The following FAM53B variants were observed in gnomAD, a reference collection of about 807,000 sequenced individuals.
The protein encoded by FAM53B is family with sequence similarity 53 member B.
FAM53B carries 12 observed loss-of-function variants against 32.7 expected under a neutral mutation model. The observed-to-expected ratio is 0.37, with a 90% CI of 0.24 to 0.59. The LOEUF (loss-of-function observed/expected upper bound fraction) is 0.59. FAM53B is among the 20% of genes least tolerant of loss of function. The probability of loss-of-function intolerance (pLI) is 0.72; values close to 1 mark genes in which losing one functional copy is unlikely to be tolerated. For synonymous variants in FAM53B, 234 were observed against 228.7 expected (o/e 1.02, Z -0.21); for missense variants, 477 against 577.7 (o/e 0.83, Z 1.79).
Position 124,682,061 on chromosome 10 carries a change from C to T in FAM53B, c.452G>A (p.Ser151Asn). The change falls in exon 4 of 5, where the codon AGC becomes AAC. Residue 151 changes from serine (S) to asparagine (N), a missense_variant. Transcript: ENST00000337318. This position sits in a 1 kb window ranked among gnomAD's most constrained non-coding sequence, Gnocchi z 5.2. ...VEKRRCYSGGSVQRYSNGFST... is the reference protein window; with the variant it reads ...VEKRRCYSGGNVQRYSNGFST... ...GAAGCCGTTGGAATAGCGCTGGACG[C>T]TGCCCCCGCTGTAGCAGCGTCTCTT... 2.5e-6 allele frequency: 4 copies of T among 1,613,752 alleles called. No homozygotes were observed. Among genetic ancestry groups the T allele is most frequent in the Middle Eastern group, 3.3e-4 (2 of 6,062 alleles).
At chr10:124,712,955 C>T (rs1439327749) in intron 1 of FAM53B, among the ~76,000 whole-genome samples, 2 of 152,250 alleles carry the variant, frequency 1.3e-5, no homozygotes, top group African/African-American at 2.4e-5. Flanking sequence ...TGCATCTGCC[C>T]AAGAACGGCC....
At chr10:124,741,644 G>A (rs546785567) in intron 1 of FAM53B, among the ~76,000 whole-genome samples, 1 of 152,290 alleles carries the variant, frequency 6.6e-6, no homozygotes, top group South Asian at 2.1e-4. Flanking sequence ...AGAGGCTAGC[G>A]GGGCAGTGAG....
intron 4 of FAM53B, among the ~76,000 whole-genome samples, chr10:124,674,822 GC>G (rs1418681918): frequency 1.3e-5 from 2 of 152,220 alleles, no homozygotes; most frequent in African/African-American, 4.8e-5. Context: ...GGCAGCGCCT[GC>G]TAGGGCCTCC....
chr10:124,693,457 ACT>A (rs746991019), intron 3 of FAM53B, among the ~76,000 whole-genome samples: 39 of 143,164 alleles, frequency 2.7e-4, no homozygotes, highest in African/African-American at 1.8e-4. Flanking sequence ...CGACAGTGAG[ACT>A]CTGTCTCAAA....
chr10:124,715,837 C>T (rs888986785), intron 1 of FAM53B, among the ~76,000 whole-genome samples: 7 of 152,222 alleles, frequency 4.6e-5, no homozygotes, highest in African/African-American at 1.7e-4. Flanking sequence ...AAGGAGGTAA[C>T]GCCCTGTAGG....
chr10:124,672,971 A>G (rs1432058361), intron 4 of FAM53B, among the ~76,000 whole-genome samples: 1 of 152,240 alleles, frequency 6.6e-6, no homozygotes, highest in Non-Finnish European at 1.5e-5. Flanking sequence ...AGGGACTTAC[A>G]ATGAGCACAC....
rs1042193294 is a variant in FAM53B at position 124,670,185 on chromosome 10, C to T, written c.906+11422G>A. Among the ~76,000 whole-genome samples the T allele has an allele frequency of 5.0e-5, 7 of 138,628 alleles. No individual in the cohort carries two copies. In the East Asian group the frequency reaches 1.5e-3, roughly 30 times the overall value. 90.9% of individuals were successfully genotyped at this position (138,628 alleles called of 152,430 possible). A position where few individuals can be genotyped will look rare whatever the true frequency, so the allele number is the denominator to read the frequency against. ...CACTCATCACCATGAGAGGCACTTG[C>T]AGAGGTGCCTGACTAACTTCCTCTG... On this transcript the variant is annotated intron_variant, in intron 4 of 4. Coordinates refer to ENST00000337318, the MANE Select transcript of FAM53B (RefSeq NM_014661.4).
chr10:124,636,949 G>C (rs1448001363), intron 4 of FAM53B, among the ~76,000 whole-genome samples: 1 of 152,064 alleles, frequency 6.6e-6, no homozygotes, highest in Non-Finnish European at 1.5e-5. Context: ...GATCTGGGGG[G>C]AGCGAGACTT....
chr10:124,722,705 TTG>T (rs1484729296), intron 1 of FAM53B, among the ~76,000 whole-genome samples: 3 of 152,262 alleles, frequency 2.0e-5, no homozygotes, highest in Admixed American at 1.3e-4. Flanking sequence ...ATACACACAT[TTG>T]TGTGTGTATA....
chr10:124,627,498 C>A (rs1949363066), intron 4 of FAM53B, among the ~76,000 whole-genome samples: 1 of 152,226 alleles, frequency 6.6e-6, no homozygotes. Context: ...TGTCCCCCAG[C>A]CCGTCGACTT....
chr10:124,674,793 T>C (rs1445941331), intron 4 of FAM53B, among the ~76,000 whole-genome samples: 5 of 152,208 alleles, frequency 3.3e-5, no homozygotes, highest in African/African-American at 1.2e-4. Flanking sequence ...CTCTGGCCCA[T>C]AGGCTGTGGC....
chr10:124,622,960 A>C lies in FAM53B; in HGVS notation c.*282T>G. Reference sequence around the variant, plus strand: ...ACATCCCACAGGGAAAGAGGCAGAAAAGACGCAAACTTCAAAGCTGTCCTC... The same window carrying C: ...ACATCCCACAGGGAAAGAGGCAGAACAGACGCAAACTTCAAAGCTGTCCTC... On this transcript the variant is annotated 3_prime_UTR_variant, in exon 5 of 5. Transcript: ENST00000337318. The C allele has an allele frequency of 2.5e-6, 1 of 398,764 alleles. No homozygotes were observed. 24.7% of individuals were successfully genotyped at this position (398,764 alleles called of 1,614,324 possible).
Position 124,634,914 on chromosome 10 carries a change from G to T in FAM53B, c.907-11310C>A, listed in dbSNP as rs144187535. ...CCACTAAGTTGTACACCTTAAATGG[G>T]TGAACTGTGTGGTATATGAATTATA... On this transcript the variant is annotated intron_variant, in intron 4 of 4. Transcript: ENST00000337318. 2.0e-5 allele frequency among the ~76,000 whole-genome samples: 3 copies of T among 152,256 alleles called. No individual in the cohort carries two copies. The East Asian group carries it at 5.8e-4, about 29-fold the overall frequency.
intron 4 of FAM53B, among the ~76,000 whole-genome samples, chr10:124,659,419 G>A (rs891880320): frequency 2.0e-5 from 3 of 152,272 alleles, no homozygotes; most frequent in African/African-American, 7.2e-5. Flanking sequence ...GCTAATAGCA[G>A]TGGTGGAAGT....
At chr10:124,627,150 G>A (rs895648602) in intron 4 of FAM53B, among the ~76,000 whole-genome samples, 4 of 152,112 alleles carry the variant, frequency 2.6e-5, no homozygotes, top group East Asian at 1.9e-4. Context: ...AGCTGGTGGC[G>A]AGCCCCACCT....
chr10:124,658,620 G>A (rs559626137), intron 4 of FAM53B, among the ~76,000 whole-genome samples: 9 of 152,312 alleles, frequency 5.9e-5, no homozygotes, highest in African/African-American at 1.7e-4. Flanking sequence ...GCAAACTACC[G>A]TGGGAGAGAG....
At chr10:124,650,504 G>A (rs1418320009) in intron 4 of FAM53B, among the ~76,000 whole-genome samples, 1 of 152,176 alleles carries the variant, frequency 6.6e-6, no homozygotes, top group Admixed American at 6.5e-5. Context: ...GATGTGCTAG[G>A]CGCTCTACAC....
intron 4 of FAM53B, among the ~76,000 whole-genome samples, chr10:124,655,863 A>G (rs889819699): frequency 1.3e-5 from 2 of 152,266 alleles, no homozygotes; most frequent in African/African-American, 4.8e-5. Flanking sequence ...AATATTGTCT[A>G]TCTGTCTACA....
chr10:124,663,997 A>C (rs1239131423), intron 4 of FAM53B, among the ~76,000 whole-genome samples: 1 of 151,846 alleles, frequency 6.6e-6, no homozygotes, highest in Non-Finnish European at 1.5e-5. Flanking sequence ...GTGAGCTAAC[A>C]CCGTGCCAGG....
Sources: gnomAD v4.1 joint callset for allele counts (sites outside exome capture counted in the v4.1 genomes callset) on GRCh38, gnomAD v4.1.1 for gene constraint, Gnocchi (gnomAD v3.1) non-coding constraint, MANE v1.5 for transcripts, NCBI Gene and HGNC (gene_info 2026-07-23, HGNC 2026-07-21) for gene names.